The following PERM1 variants were observed in gnomAD, a reference collection of about 807,000 sequenced individuals.
The protein encoded by PERM1 is PGC-1 and ERR-induced regulator in muscle protein 1.
In PERM1, 45 loss-of-function variants were observed where a neutral mutation model predicts 44.1. The observed-to-expected ratio is 1.02, with a 90% confidence interval of 0.80 to 1.31. The LOEUF (loss-of-function observed/expected upper bound fraction) is 1.31, where lower values mean the gene tolerates loss of function less well. Ranked by LOEUF, PERM1 falls within the 50% of genes most tolerant of loss-of-function variation. The pLI is 0.00. For synonymous variants in PERM1, 565 were observed against 477.1 expected (o/e 1.18, Z -2.40); for missense variants, 1,189 against 1,106.9 (o/e 1.07, Z -1.05).
exon 1 of PERM1, chr1:979,098 C>T (rs573314277): frequency 5.0e-5 from 77 of 1,549,338 alleles, no homozygotes; most frequent in Admixed American, 1.4e-4. Context: ...GTATGGGGGC[C>T]GGCACAGGAT....
At chr1:980,179 A>G (rs1361311995) in exon 1 of PERM1, 3 of 1,550,284 alleles carry the variant, frequency 1.9e-6, no homozygotes, top group Non-Finnish European at 2.6e-6. Flanking sequence ...GGCTTCCCAG[A>G]CAGTCGTGGA....
exon 1 of PERM1, chr1:979,821 T>C: frequency 6.5e-7 from 1 of 1,550,156 alleles, no homozygotes; most frequent in Non-Finnish European, 8.7e-7. Flanking sequence ...TGGAGGCAGG[T>C]GTGGACACAG....
exon 1 of PERM1, chr1:979,581 G>T: frequency 6.5e-7 from 1 of 1,550,098 alleles, no homozygotes; most frequent in Admixed American, 2.0e-5. Context: ...AGCATCCGGG[G>T]GCCCCTGCTG....
At chr1:981,306 G>A, upstream of PERM1, 1 of 861,524 alleles carries the variant, frequency 1.2e-6, no homozygotes, top group Non-Finnish European at 1.8e-6. Context: ...ATAGCTGTGT[G>A]ATGATGCGGT....
chr1:979,917 C>T (rs543839758), exon 1 of PERM1: 6 of 1,550,258 alleles, frequency 3.9e-6, no homozygotes, highest in African/African-American at 2.7e-5. Flanking sequence ...TAGACACAGC[C>T]GTGTCAGATT....
chr1:981,738 C>T (rs1383166574), upstream of PERM1, among the ~76,000 whole-genome samples: 2 of 152,258 alleles, frequency 1.3e-5, no homozygotes, highest in Admixed American at 6.5e-5. Context: ...GCAGCCACCT[C>T]GGGCCGTCCT....
At chr1:978,939 A>G (rs1211912215) in exon 1 of PERM1, 4 of 1,506,904 alleles carry the variant, frequency 2.7e-6, no homozygotes, top group Admixed American at 2.2e-5. Context: ...GGGGGGTCCC[A>G]GGCCCCGCCC....
At chr1:976,566 C>A in exon 2 of PERM1, 1 of 1,549,580 alleles carries the variant, frequency 6.5e-7, no homozygotes, top group Non-Finnish European at 8.7e-7. Context: ...AAGCTACAAA[C>A]ACCAGGCACA....
exon 1 of PERM1, chr1:979,684 A>G (rs774230105): frequency 1.1e-5 from 17 of 1,550,160 alleles, no homozygotes; most frequent in Middle Eastern, 3.3e-4. Context: ...GGCTCTGGGA[A>G]CAGGTGTAGA....
chr1:976,382 C>T lies in PERM1; in HGVS notation c.2276-113G>A. 8.0e-6 allele frequency: 12 copies of T among 1,501,894 alleles called. No homozygotes were observed. The South Asian group carries it at 1.4e-4, about 18-fold the overall frequency. 93.0% of individuals were successfully genotyped at this position (1,501,894 alleles called of 1,614,324 possible). On this transcript the variant is annotated intron_variant, in intron 2 of 2. Transcript: ENST00000433179. The stretch of plus-strand genomic sequence containing the variant: ...GGTCGGTGCGGCCAGGGCCGCAGCT[C>T]AGCCTGGGGGGAGCAGGTCAGGGGT...
chr1:975,970 C>T (rs1365241841), exon 3 of PERM1: 3 of 576,782 alleles, frequency 5.2e-6, no homozygotes, highest in Non-Finnish European at 3.0e-6. Flanking sequence ...ACTTTAGCAC[C>T]TCCCTCCCAG....
At chr1:979,771 A>G in exon 1 of PERM1, 1 of 1,550,344 alleles carries the variant, frequency 6.5e-7, no homozygotes, top group South Asian at 1.2e-5. Context: ...TAGCTTAGCC[A>G]CTGGGCCTGC....
chr1:980,850 T>A (rs1643777867), exon 1 of PERM1: 1 of 1,402,342 alleles, frequency 7.1e-7, no homozygotes, highest in African/African-American at 1.5e-5. Context: ...GCTGCCCAGT[T>A]GGGAGAGGTG....
exon 2 of PERM1, chr1:976,593 G>A (rs891556396): frequency 8.4e-6 from 13 of 1,549,246 alleles, no homozygotes; most frequent in Admixed American, 2.0e-5. Flanking sequence ...TCTGGCTGAA[G>A]GCAAATGATG....
chr1:980,057 C>T (rs1438345765), exon 1 of PERM1: 1 of 1,549,534 alleles, frequency 6.5e-7, no homozygotes, highest in East Asian at 2.5e-5. Flanking sequence ...ATGTCCCTGT[C>T]AGATTGCGGC....
At chr1:979,942 G>A in exon 1 of PERM1, 1 of 1,550,334 alleles carries the variant, frequency 6.5e-7, no homozygotes, top group Non-Finnish European at 8.7e-7. Context: ...CTTGGAGGCA[G>A]GTATAGACAC....
rs1424841568 is a variant in PERM1 at position 980,786 on chromosome 1, G to A, written c.244C>T (p.Gln82Ter). Residue 82 changes from glutamine to a stop codon, truncating the protein, a stop_gained, in exon 1 of 3, where the codon CAG becomes TAG. Coordinates refer to ENST00000433179, the Ensembl canonical transcript of PERM1. LOFTEE classifies it high-confidence loss of function. ...CCCTGAGACCTGCTGACCGGCTGCT[G>A]TGTGGCCACGTCCTCCTCCTCGCAG... 6.4e-6 allele frequency: 9 copies of A among 1,400,936 alleles called. No homozygotes were observed. Among genetic ancestry groups the A allele is most frequent in the East Asian group, 5.4e-5 (2 of 37,140 alleles). The allele number at this position is 1,400,936 out of a possible 1,614,324, so 86.8% of individuals were successfully genotyped here.
At chr1:976,063 G>A (rs983037251) in exon 3 of PERM1, 2 of 1,089,938 alleles carry the variant, frequency 1.8e-6, no homozygotes, top group Non-Finnish European at 2.6e-6. Flanking sequence ...CCTCCTGGAC[G>A]CGGTAGAAGA....
intron 1 of PERM1, 122 bp from the exon 3 acceptor site, chr1:976,746 G>GGGAACCGCCTCCCGCTCCCCCCA (rs1643627810): frequency 1.1e-4 from 15 of 135,370 alleles, no homozygotes; most frequent in African/African-American, 1.1e-3. Context: ...CACTCCCCCC[G>GGGAACCGCCTCCCGCTCCCCCCA]CCAACCCCGG....
Sources: allele counts gnomAD v4.1 joint callset (sites outside exome capture counted in the v4.1 genomes callset), GRCh38; gene constraint gnomAD v4.1.1; transcripts MANE v1.5; gene names NCBI Gene and HGNC (gene_info 2026-07-23, HGNC 2026-07-21).